The following SHLD3 variants were observed in gnomAD, a reference collection of about 807,000 sequenced individuals.
The protein encoded by SHLD3 is shieldin complex subunit 3, also known as REV7-interacting novel NHEJ regulator 1.
In SHLD3, 15 loss-of-function variants were observed where a neutral mutation model predicts 21.4. The observed-to-expected ratio is 0.70, with a 90% CI of 0.47 to 1.08. SHLD3 has a LOEUF of 1.08. SHLD3 is among the 50% of genes least tolerant of loss of function. SHLD3 has a pLI of 0.00. For missense variants in SHLD3, 273 were observed against 286.1 expected, an observed-to-expected ratio of 0.95 and a Z score of 0.33; for synonymous variants, 103 against 97.2, an observed-to-expected ratio of 1.06 and a Z score of -0.35.
intron 1 of SHLD3, among the ~76,000 whole-genome samples, chr5:65,626,492 A>T (rs752834353): frequency 5.9e-5 from 9 of 152,166 alleles, no homozygotes; most frequent in Non-Finnish European, 1.3e-4. Flanking sequence ...TAATCCCAGC[A>T]GTTTGGGAGG....
chr5:65,625,377 G>T (rs1030385384), intron 1 of SHLD3: 5 of 428,144 alleles, frequency 1.2e-5, no homozygotes, highest in South Asian at 4.4e-5. Flanking sequence ...CTGACGTCCC[G>T]CTCCTACCGT....
chr5:65,627,129 C>T (rs1373733141), intron 1 of SHLD3, among the ~76,000 whole-genome samples: 1 of 18,118 alleles, frequency 5.5e-5, no homozygotes, highest in Non-Finnish European at 1.2e-4. Context: ...GAGACCCTGT[C>T]TCAAAAAAAA....
chr5:65,625,923 T>TA (rs1185287988), intron 1 of SHLD3: 1 of 152,248 alleles, frequency 6.6e-6, no homozygotes, highest in South Asian at 2.1e-4. Context: ...TTACTTTACT[T>TA]ATGGCATCCA....
rs567751283 is a variant in SHLD3, at chr5:65,626,591, C to T, written c.-121+1485C>T. 2.6e-5 allele frequency among the ~76,000 whole-genome samples: 4 copies of T among 152,168 alleles called. No homozygotes were observed. In the South Asian group the frequency reaches 6.2e-4, roughly 24 times the overall value. On this transcript the variant is annotated intron_variant, in intron 1 of 1. Transcript: ENST00000510585. ...TCTCTATAAAAATACAAAAAGTTAG[C>T]CAGGCGTGGTGGCGGGCGCCTGTAG...
At chr5:65,628,560 C>G (rs1292156303) in intron 1 of SHLD3, among the ~76,000 whole-genome samples, 1 of 151,690 alleles carries the variant, frequency 6.6e-6, no homozygotes, top group African/African-American at 2.4e-5. Flanking sequence ...AAACCTCAAC[C>G]TCCCGGGTTC....
rs1308201066 is a variant in SHLD3 at position 65,625,100 on chromosome 5, C to G, written c.-127C>G. ...CCCTAAACAGGAGCACCTGCTGGCG[C>G]TAAAAGGTAAACTTTTGCGAACCTG... is the stretch of plus-strand genomic sequence containing the variant. On this transcript the variant is annotated 5_prime_UTR_variant, in exon 1 of 2. Coordinates refer to ENST00000510585, the MANE Select transcript of SHLD3 (RefSeq NM_001365341.2). The G allele has an allele frequency of 6.2e-7, 1 of 1,613,712 alleles. No homozygotes were observed. The highest frequency in any genetic ancestry group is 1.1e-5 in the South Asian group (1 of 91,076).
At position 65,625,902 on chromosome 5, in the gene SHLD3, T is replaced by C. The variant is rs917962685; in HGVS notation, c.-121+796T>C. The C allele has an allele frequency of 5.3e-5, 8 of 152,256 alleles. No homozygotes were observed. The East Asian group carries it at 1.5e-3, about 29-fold the overall frequency. 9.4% of individuals were successfully genotyped at this position (152,256 alleles called of 1,614,324 possible). The stretch of plus-strand genomic sequence containing the variant: ...ATGCTCAATAAACATTCGGGTTCAA[T>C]TGAATTGCGCTTACTTTACTTATGG... On this transcript the variant is annotated intron_variant, in intron 1 of 1. Coordinates refer to ENST00000510585, the MANE Select transcript of SHLD3 (RefSeq NM_001365341.2).
intron 1 of SHLD3, among the ~76,000 whole-genome samples, chr5:65,629,110 A>G (rs985616373): frequency 2.0e-5 from 3 of 152,208 alleles, no homozygotes; most frequent in African/African-American, 7.2e-5. Context: ...AATTCATATG[A>G]AAACAATATT....
intron 1 of SHLD3, among the ~76,000 whole-genome samples, chr5:65,627,131 C>CAAAAAAAAAAAAA (rs60169195): frequency 0.033 from 1,086 of 32,534 alleles, 206 homozygotes; most frequent in Non-Finnish European, 0.056. Flanking sequence ...GACCCTGTCT[C>CAAAAAAAAAAAAA]AAAAAAAAAA....
intron 1 of SHLD3, 72 bp from the exon 2 acceptor site, chr5:65,629,395 TC>T: frequency 8.3e-7 from 1 of 1,203,618 alleles, no homozygotes; most frequent in Non-Finnish European, 1.1e-6. Flanking sequence ...TTTTTGTTTT[TC>T]CTTTTCTCCC....
chr5:65,627,271 A>G (rs919231398), intron 1 of SHLD3, among the ~76,000 whole-genome samples: 3 of 152,028 alleles, frequency 2.0e-5, no homozygotes, highest in African/African-American at 4.8e-5. Context: ...TTAATCAACA[A>G]TTTTCACACA....
At chr5:65,625,208 C>A in intron 1 of SHLD3, 102 bp downstream of exon 1, 1 of 991,652 alleles carries the variant, frequency 1.0e-6, no homozygotes, top group Non-Finnish European at 1.6e-6. Flanking sequence ...ACACTCAGTG[C>A]TCGCCCTCCT....
chr5:65,630,338 T>C lies in SHLD3; in HGVS notation c.751T>C (p.Ter251GlnextTer1). 1 of 1,498,990 alleles carries C rather than the reference T, an allele frequency of 6.7e-7. No individual in the cohort carries two copies. Among genetic ancestry groups the C allele is most frequent in the Non-Finnish European group, 8.9e-7 (1 of 1,125,478 alleles). The allele number at this position is 1,498,990 out of a possible 1,614,324, so 92.9% of individuals were successfully genotyped here. The part of the protein sequence containing the change: ...VHKYGVIFSM[*>Q] ...TAAATATGGTGTTATTTTTAGTATG[T>C]AATGAATTCCACTGATTGTCAAAAA... The change falls in exon 2 of 2, where the codon TAA (stop) becomes CAA (glutamine). Residue 251 changes from the stop codon to glutamine, a stop_lost. Transcript: ENST00000510585.
chr5:65,627,898 A>G (rs1237561902), intron 1 of SHLD3, among the ~76,000 whole-genome samples: 2 of 152,202 alleles, frequency 1.3e-5, no homozygotes, highest in African/African-American at 4.8e-5. Context: ...TATTTCTTCT[A>G]ACTCTTCAGA....
chr5:65,625,235 C>T, intron 1 of SHLD3, 129 bp downstream of exon 1: 1 of 815,494 alleles, frequency 1.2e-6, no homozygotes, highest in East Asian at 2.6e-5. Context: ...TCCTTTGCCG[C>T]CAAGCGGGAG....
intron 1 of SHLD3, among the ~76,000 whole-genome samples, chr5:65,626,523 G>A (rs1755238908): frequency 1.3e-5 from 2 of 152,166 alleles, no homozygotes; most frequent in Admixed American, 1.3e-4. Context: ...TGATCACAAG[G>A]TCAAGAGATC....
intron 1 of SHLD3, chr5:65,625,330 C>T (rs1231066531): frequency 1.8e-6 from 1 of 570,538 alleles, no homozygotes; most frequent in Non-Finnish European, 3.1e-6. Flanking sequence ...TCTTTCTGAT[C>T]TGTGCTGCTT....
rs1420371309 is a variant in SHLD3, at chr5:65,630,471, A to G, written c.*131A>G. On this transcript the variant is annotated 3_prime_UTR_variant, in exon 2 of 2. Coordinates refer to ENST00000510585, the MANE Select transcript of SHLD3 (RefSeq NM_001365341.2). ...ATTCCTAGGCTTGTCAATTAAGTCA[A>G]GAAATTGCTGAGTTCTGCTTATTGG... is the stretch of plus-strand genomic sequence containing the variant. 2 of 1,388,342 alleles carry G rather than the reference A, an allele frequency of 1.4e-6. No individual in the cohort carries two copies. Among genetic ancestry groups the G allele is most frequent in the East Asian group, 5.2e-5 (2 of 38,502 alleles). The allele number at this position is 1,388,342 out of a possible 1,614,324, so 86.0% of individuals were successfully genotyped here.
chr5:65,629,982 G>A lies in SHLD3; in HGVS notation c.395G>A (p.Trp132Ter), dbSNP rs1755459454. Residue 132 changes from tryptophan to a stop codon, truncating the protein, a stop_gained, in exon 2 of 2, where the codon TGG (tryptophan) becomes TAG (stop). Transcript: ENST00000510585. LOFTEE classifies it high-confidence loss of function. The stretch of plus-strand genomic sequence containing the variant: ...GGAAAACAGCACAAGAGGAGATCTT[G>A]GAGTATTTCCCTTCCCAGCAATAAT... ...EKGKQHKRRS[W>*]SISLPSNNCT... 1 of 1,535,834 alleles carries A rather than the reference G, an allele frequency of 6.5e-7. No individual in the cohort carries two copies. The highest frequency in any genetic ancestry group is 8.7e-7 in the Non-Finnish European group (1 of 1,146,846).
Sources: allele counts gnomAD v4.1 joint callset (sites outside exome capture counted in the v4.1 genomes callset), GRCh38; gene constraint gnomAD v4.1.1; transcripts MANE v1.5; gene names NCBI Gene and HGNC (gene_info 2026-07-23, HGNC 2026-07-21).